Variants in LDB3 observed in about 807,000 individuals in gnomAD.
LDB3 encodes the protein LIM domain binding 3, also known as LIM domain-binding protein 3.
Under a neutral mutation model 69.0 loss-of-function variants are expected in LDB3, and 49 were observed. The observed-to-expected ratio is 0.71, with a 90% CI of 0.56 to 0.90. LDB3 has a LOEUF of 0.90. Ranked by LOEUF, LDB3 falls within the 40% of genes least tolerant of loss-of-function variation. LDB3 has a pLI of 0.00. For missense variants in LDB3, 928 were observed against 974.1 expected, an observed-to-expected ratio of 0.95 and a Z score of 0.63; for synonymous variants, 387 against 396.2, an observed-to-expected ratio of 0.98 and a Z score of 0.28.
chr10:86,724,652 G>A (rs1847198326), intron 12 of LDB3, among the ~76,000 whole-genome samples: 1 of 150,728 alleles, frequency 6.6e-6, no homozygotes. Flanking sequence ...AAAATAAATA[G>A]ATAAATAAAT....
intron 2 of LDB3, among the ~76,000 whole-genome samples, chr10:86,671,358 A>G (rs1374922774): frequency 6.6e-6 from 1 of 152,144 alleles, no homozygotes; most frequent in African/African-American, 2.4e-5. Context: ...GGAAGGACAC[A>G]GGCCACCTGC....
intron 2 of LDB3, among the ~76,000 whole-genome samples, chr10:86,676,578 A>AAAT (rs71861385): frequency 7.0e-6 from 1 of 142,610 alleles, no homozygotes; most frequent in Non-Finnish European, 1.5e-5. Flanking sequence ...AAAAAAAAAA[A>AAAT]AGAGAAAGAA....
At chr10:86,727,020 T>C (rs1847278865) in intron 13 of LDB3, among the ~76,000 whole-genome samples, 1 of 143,324 alleles carries the variant, frequency 7.0e-6, no homozygotes, top group Admixed American at 6.8e-5. Context: ...TTTGAGAATT[T>C]TTTTTTTTTT....
chr10:86,679,976 G>A, intron 3 of LDB3, 106 bp from the exon 4 acceptor site: 1 of 990,706 alleles, frequency 1.0e-6, no homozygotes, highest in Non-Finnish European at 1.6e-6. Flanking sequence ...ATCTCTGAGA[G>A]CTGACTCTGG....
chr10:86,734,628 C>T lies in LDB3; in HGVS notation c.*1652C>T, dbSNP rs1847568286. 1 of 152,234 alleles carries T rather than the reference C, an allele frequency of 6.6e-6. No homozygotes were observed. The highest frequency in any genetic ancestry group is 6.5e-5 in the Admixed American group (1 of 15,284). The allele number at this position is 152,234 out of a possible 1,614,324, so 9.4% of individuals were successfully genotyped here. A position where few individuals can be genotyped will look rare whatever the true frequency, so the allele number is the denominator to read the frequency against. On this transcript the variant is annotated 3_prime_UTR_variant, in exon 14 of 14. Transcript: ENST00000361373. The stretch of plus-strand genomic sequence containing the variant: ...GGGATTGCCATCTTACCTGTCTCTT[C>T]TCCATGAGGGAGAAGGAAGCAGCTA...
intron 9 of LDB3, among the ~76,000 whole-genome samples, chr10:86,712,544 G>A (rs1589670412): frequency 6.6e-6 from 1 of 152,238 alleles, no homozygotes; most frequent in East Asian, 1.9e-4. Flanking sequence ...AGCCATTTAA[G>A]CTCTCCAAGT....
At chr10:86,721,385 C>T (rs1415670219) in intron 12 of LDB3, among the ~76,000 whole-genome samples, 1 of 152,136 alleles carries the variant, frequency 6.6e-6, no homozygotes, top group Non-Finnish European at 1.5e-5. Context: ...ATGATAGGGT[C>T]TAGGCTGAAA....
At chr10:86,683,621 C>T (rs1339365381) in intron 5 of LDB3, among the ~76,000 whole-genome samples, 4 of 152,222 alleles carry the variant, frequency 2.6e-5, no homozygotes, top group Non-Finnish European at 5.9e-5. Flanking sequence ...CTGACGTTTC[C>T]TCCAAGGGAT....
At chr10:86,710,378 T>C in intron 9 of LDB3, 1 of 527,432 alleles carries the variant, frequency 1.9e-6, no homozygotes, top group Non-Finnish European at 2.4e-6. Context: ...TCGCCTGAGG[T>C]CGGGAGTTTG....
intron 5 of LDB3, among the ~76,000 whole-genome samples, 176 bp downstream of exon 5, chr10:86,681,979 A>G (rs1451893079): frequency 6.6e-6 from 1 of 152,202 alleles, no homozygotes; most frequent in African/African-American, 2.4e-5. Flanking sequence ...CATGCTAGCG[A>G]TTTATACAAC....
At chr10:86,705,223 T>A (rs1348408360) in intron 7 of LDB3, among the ~76,000 whole-genome samples, 1 of 152,192 alleles carries the variant, frequency 6.6e-6, no homozygotes, top group Non-Finnish European at 1.5e-5. Flanking sequence ...ACTGATAAGT[T>A]GTAGGACCTT....
At position 86,699,462 on chromosome 10, in the gene LDB3, A is replaced by T. The variant is rs1846162330; in HGVS notation, c.896+6891A>T. 6.3e-7 allele frequency: 1 copy of T among 1,599,282 alleles called. No homozygotes were observed. Among genetic ancestry groups the T allele is most frequent in the Non-Finnish European group, 8.5e-7 (1 of 1,174,608 alleles). On this transcript the variant is annotated intron_variant, in intron 7 of 13. Coordinates refer to ENST00000361373, the MANE Select transcript of LDB3 (RefSeq NM_007078.3). The surrounding 1 kb of genome is among the most constrained non-coding windows in gnomAD (Gnocchi z 4.9). ...GATCTGGCATGTGAGCCCCACGGTG[A>T]TGCTTGACAATGTATAACTCTGCTG... is the stretch of plus-strand genomic sequence containing the variant.
At chr10:86,692,896 C>T (rs1476040393) in intron 7 of LDB3, among the ~76,000 whole-genome samples, 1 of 152,216 alleles carries the variant, frequency 6.6e-6, no homozygotes, top group Non-Finnish European at 1.5e-5. Context: ...CCTGTGAGGA[C>T]ACCCGGCTGG....
In LDB3 at chr10:86,710,003, C is replaced by A; in HGVS notation, c.1184C>A (p.Pro395His). The change falls in exon 9 of 14, where the codon CCC (proline) becomes CAC (histidine). Residue 395 changes from proline to histidine, a missense_variant. Physicochemically the swap from Pro to His is moderately conservative, Grantham distance 77 (BLOSUM62 -2). Coordinates refer to ENST00000361373, the MANE Select transcript of LDB3 (RefSeq NM_007078.3). ...SEGPAAPAPK[P>H]RVVTTASIRP... Reference sequence around the variant, plus strand: ...GGCCCCGCCGCCCCTGCACCCAAGCCCCGGGTTGTCACCACTGCCAGCATC... The same window carrying A: ...GGCCCCGCCGCCCCTGCACCCAAGCACCGGGTTGTCACCACTGCCAGCATC... The A allele has an allele frequency of 6.2e-7, 1 of 1,613,270 alleles. No individual in the cohort carries two copies. The highest frequency in any genetic ancestry group is 8.5e-7 in the Non-Finnish European group (1 of 1,180,024).
At chr10:86,713,766 T>G (rs946144228) in intron 9 of LDB3, among the ~76,000 whole-genome samples, 1 of 152,186 alleles carries the variant, frequency 6.6e-6, no homozygotes, top group Non-Finnish European at 1.5e-5. Flanking sequence ...ATACCTCAAA[T>G]TTGGGCTGTA....
At chr10:86,703,622 G>A (rs764007711) in intron 7 of LDB3, among the ~76,000 whole-genome samples, 23 of 152,224 alleles carry the variant, frequency 1.5e-4, no homozygotes, top group Admixed American at 5.9e-4. Flanking sequence ...CCATTCTTCC[G>A]TGACCCTGTC....
Position 86,734,994 on chromosome 10 carries a change from GA to G in LDB3, c.*2033del, listed in dbSNP as rs11314847. 84,538 of 126,642 alleles carry G rather than the reference GA, an allele frequency of 0.67. 28,663 individuals carry two copies. The highest frequency in any genetic ancestry group is 0.76 in the African/African-American group (25,019 of 33,010). 7.8% of individuals were successfully genotyped at this position (126,642 alleles called of 1,614,324 possible). A position where few individuals can be genotyped will look rare whatever the true frequency, so the allele number is the denominator to read the frequency against. Reference sequence around the variant, plus strand: ...TTATCAGGGGCTGGTCTTGAGGAAGGAAAAAAAAAAAAAAACGTTCCCAGAA... The same window carrying G: ...TTATCAGGGGCTGGTCTTGAGGAAGGAAAAAAAAAAAAAACGTTCCCAGAA... On this transcript the variant is annotated 3_prime_UTR_variant, in exon 14 of 14. Coordinates refer to ENST00000361373, the MANE Select transcript of LDB3 (RefSeq NM_007078.3).
chr10:86,725,676 TA>T (rs1291353134), intron 12 of LDB3, among the ~76,000 whole-genome samples: 1 of 152,190 alleles, frequency 6.6e-6, no homozygotes, highest in Non-Finnish European at 1.5e-5. Flanking sequence ...TTTATAGTAG[TA>T]AAAACTTGTT....
At position 86,687,430 on chromosome 10, in the gene LDB3, G is replaced by A. The variant is rs147016926; in HGVS notation, c.690-4466G>A. Among the ~76,000 whole-genome samples the A allele has an allele frequency of 7.8e-4, 119 of 152,360 alleles. 1 individual carries two copies. Among genetic ancestry groups the A allele is most frequent in the Non-Finnish European group, 1.5e-3 (104 of 68,034 alleles). Reference sequence around the variant, plus strand: ...AGCCTTCACCAGGGCCTTCTGGAACGTGGGTATCCTCTCTTCAGACCCTCT... The same window carrying A: ...AGCCTTCACCAGGGCCTTCTGGAACATGGGTATCCTCTCTTCAGACCCTCT... On this transcript the variant is annotated intron_variant, in intron 5 of 13. Transcript: ENST00000361373.
Sources: gnomAD v4.1 joint callset for allele counts (sites outside exome capture counted in the v4.1 genomes callset) on GRCh38, gnomAD v4.1.1 for gene constraint, Gnocchi (gnomAD v3.1) non-coding constraint, MANE v1.5 for transcripts, NCBI Gene and HGNC (gene_info 2026-07-23, HGNC 2026-07-21) for gene names.